MLXIPL: variants seen among roughly 807,000 people sequenced by gnomAD.
The protein encoded by MLXIPL is carbohydrate-responsive element-binding protein.
In MLXIPL, 49 loss-of-function variants were observed where a neutral mutation model predicts 81.5. The ratio of observed to expected loss-of-function variants is 0.60; its 90% confidence interval spans 0.48 to 0.76. MLXIPL has a LOEUF of 0.76. Among genes scored for constraint, MLXIPL ranks in the 30% least tolerant of loss-of-function variants. The pLI, the probability that MLXIPL is intolerant of heterozygous loss-of-function variation, is 0.00. For synonymous variants in MLXIPL, 466 were observed against 485.5 expected (o/e 0.96, Z 0.53); for missense variants, 1,053 against 1,167.0 (o/e 0.90, Z 1.42).
At position 73,596,736 on chromosome 7, in the gene MLXIPL, AGGGGCC is replaced by A. The variant is rs1794349393; in HGVS notation, c.1719_1724del (p.Ala574_Pro575del). 4.4e-6 allele frequency: 7 copies of A among 1,594,836 alleles called. No homozygotes were observed. The East Asian group carries it at 1.6e-4, about 36-fold the overall frequency. ...GGCCTGGAGGTGGCCGGGGCGGTGT[AGGGGCC>A]GGGGTCGGGGGAAGGAATGTGCAGG... On this transcript the variant is annotated inframe_deletion, in exon 11 of 17. Coordinates refer to ENST00000313375, the MANE Select transcript of MLXIPL (RefSeq NM_032951.3). This position sits in a 1 kb window ranked among gnomAD's most constrained non-coding sequence, Gnocchi z 4.7.
At chr7:73,625,851 G>A (rs1020792223), upstream of MLXIPL, among the ~76,000 whole-genome samples, 2 of 152,128 alleles carry the variant, frequency 1.3e-5, no homozygotes, top group Non-Finnish European at 2.9e-5. Flanking sequence ...GGGGAGCCTC[G>A]AGGGACTGTT....
At chr7:73,636,144 T>A in the MLXIPL span, among the ~76,000 whole-genome samples, 1 of 152,158 alleles carries the variant, frequency 6.6e-6, no homozygotes, top group Non-Finnish European at 1.5e-5. Flanking sequence ...GCACCGTGGC[T>A]CACGCCTGCA....
chr7:73,597,767 G>T, intron 8 of MLXIPL, 54 bp from the exon 9 acceptor site: 1 of 1,274,484 alleles, frequency 7.8e-7, no homozygotes, highest in Non-Finnish European at 1.0e-6. Flanking sequence ...GCTGCCCCTG[G>T]CAGCCATCTG....
the MLXIPL span, among the ~76,000 whole-genome samples, chr7:73,633,878 C>T: frequency 3.3e-5 from 5 of 152,168 alleles, no homozygotes; most frequent in Admixed American, 6.6e-5. Context: ...GAAGCCACTA[C>T]TGTGGCTAGG....
Position 73,595,777 on chromosome 7 carries a change from G to A in MLXIPL, c.2187-17C>T. The A allele has an allele frequency of 6.3e-7, 1 of 1,582,398 alleles. No individual in the cohort carries two copies. Among genetic ancestry groups the A allele is most frequent in the Non-Finnish European group, 8.6e-7 (1 of 1,164,066 alleles). On this transcript the variant is annotated splice_polypyrimidine_tract_variant and intron_variant, in intron 14 of 16. Coordinates refer to ENST00000313375, the MANE Select transcript of MLXIPL (RefSeq NM_032951.3). Reference sequence around the variant, plus strand: ...TGGCACAGGCTGGGGGCAGGGCAGGGGTCAGGGGCTGGGGGTAAGGCGGCA... The same window carrying A: ...TGGCACAGGCTGGGGGCAGGGCAGGAGTCAGGGGCTGGGGGTAAGGCGGCA...
At chr7:73,610,501 T>C (rs1416024798) in intron 2 of MLXIPL, 1 of 152,236 alleles carries the variant, frequency 6.6e-6, no homozygotes, top group Non-Finnish European at 1.5e-5. Flanking sequence ...GTCTCACTCT[T>C]GTCACCCAAG....
At chr7:73,604,156 C>T (rs112005994) in intron 7 of MLXIPL, among the ~76,000 whole-genome samples, 7 of 121,666 alleles carry the variant, frequency 5.8e-5, no homozygotes, top group African/African-American at 1.6e-4. Context: ...GCGGAAGCTG[C>T]AGTGAGCTGA....
chr7:73,638,025 C>T, the MLXIPL span, among the ~76,000 whole-genome samples: 1 of 152,116 alleles, frequency 6.6e-6, no homozygotes, highest in African/African-American at 2.4e-5. Context: ...CTTTGGCCTC[C>T]CCCATTAACC....
At chr7:73,599,474 G>A (rs985686715) in intron 8 of MLXIPL, 52 bp downstream of exon 8, 16 of 1,602,788 alleles carry the variant, frequency 1.0e-5, no homozygotes, top group Non-Finnish European at 1.3e-5. Context: ...AACAGGGCAG[G>A]AACAGCTCTC....
At chr7:73,601,787 C>T (rs143510344) in intron 7 of MLXIPL, among the ~76,000 whole-genome samples, 1 of 152,248 alleles carries the variant, frequency 6.6e-6, no homozygotes, top group East Asian at 1.9e-4. Context: ...CTGCTTTGGC[C>T]TCCTAAAGTG....
At chr7:73,621,654 C>G (rs999668809) in intron 1 of MLXIPL, among the ~76,000 whole-genome samples, 2 of 147,978 alleles carry the variant, frequency 1.4e-5, no homozygotes, top group Non-Finnish European at 3.0e-5. Flanking sequence ...TCTCCTGGTA[C>G]CGAGCCAACC....
At chr7:73,617,482 G>A (rs936277344) in intron 1 of MLXIPL, among the ~76,000 whole-genome samples, 9 of 152,158 alleles carry the variant, frequency 5.9e-5, no homozygotes, top group Non-Finnish European at 1.2e-4. Context: ...CCAAAGGAAG[G>A]CCGCTAGGAT....
chr7:73,637,161 A>T, the MLXIPL span, among the ~76,000 whole-genome samples: 13 of 152,052 alleles, frequency 8.5e-5, no homozygotes, highest in Non-Finnish European at 1.6e-4. Context: ...CATACTCACA[A>T]GTCTATGTAG....
intron 2 of MLXIPL, among the ~76,000 whole-genome samples, chr7:73,615,132 TC>T (rs1563505784): frequency 6.6e-6 from 1 of 152,032 alleles, no homozygotes; most frequent in Non-Finnish European, 1.5e-5. Context: ...GGAAACAAGT[TC>T]AGAGAGGCTA....
At chr7:73,647,869 G>A in the MLXIPL span, among the ~76,000 whole-genome samples, 1 of 150,810 alleles carries the variant, frequency 6.6e-6, no homozygotes, top group East Asian at 1.9e-4. Flanking sequence ...CCGCCGGACC[G>A]CGCCCGGCGC....
At chr7:73,598,087 C>CACTG (rs1554594972) in intron 8 of MLXIPL, among the ~76,000 whole-genome samples, 1 of 151,992 alleles carries the variant, frequency 6.6e-6, no homozygotes, top group Non-Finnish European at 1.5e-5. Flanking sequence ...CTAACTTGTC[C>CACTG]ACTGATCCAT....
chr7:73,606,003 G>C lies in MLXIPL; in HGVS notation c.727C>G (p.Leu243Val). Residue 243 changes from leucine to valine, a missense_variant, in exon 6 of 17, where the codon CTG (leucine) becomes GTG (valine). Around this residue, in one of 3 missense-constraint regions of MLXIPL, gnomAD observed 823 missense variants for 933.0 expected, o/e 0.88. Coordinates refer to ENST00000313375, the MANE Select transcript of MLXIPL (RefSeq NM_032951.3). The part of the protein sequence containing the change: ...PEEEPGGRQL[L>V]DLNCFLSDIS... ...TCGGACAAAAAGCAATTGAGGTCCA[G>C]GAGCTGCCGCCCACCCGGCTCCTCC... is the stretch of plus-strand genomic sequence containing the variant. The C allele has an allele frequency of 6.3e-7, 1 of 1,587,972 alleles. No homozygotes were observed. Among genetic ancestry groups the C allele is most frequent in the South Asian group, 1.1e-5 (1 of 87,178 alleles).
At chr7:73,614,809 CTTTTT>C (rs11307944) in intron 2 of MLXIPL, among the ~76,000 whole-genome samples, 3 of 106,162 alleles carry the variant, frequency 2.8e-5, no homozygotes, top group Admixed American at 1.1e-4. Context: ...TTGTTTTGCC[CTTTTT>C]TTTTTTTTTT....
chr7:73,596,539 C>A lies in MLXIPL; in HGVS notation c.1823-60G>T. On this transcript the variant is annotated intron_variant, in intron 11 of 16. Coordinates refer to ENST00000313375, the MANE Select transcript of MLXIPL (RefSeq NM_032951.3). The surrounding 1 kb of genome is among the most constrained non-coding windows in gnomAD (Gnocchi z 4.7). ...GACCCAGGGGAAAGGGTCCCCATTG[C>A]CCCCTTCCTCTCATCTGGCCCCAGA... 1 of 1,602,614 alleles carries A rather than the reference C, an allele frequency of 6.2e-7. No homozygotes were observed. The highest frequency in any genetic ancestry group is 8.5e-7 in the Non-Finnish European group (1 of 1,173,026).
Sources: allele counts gnomAD v4.1 joint callset (sites outside exome capture counted in the v4.1 genomes callset), GRCh38; gene constraint gnomAD v4.1.1; regional missense constraint gnomAD v4.1.1; non-coding constraint Gnocchi (gnomAD v3.1); transcripts MANE v1.5; gene names NCBI Gene and HGNC (gene_info 2026-07-23, HGNC 2026-07-21).